The following EPAS1 variants were observed in gnomAD, a reference collection of about 807,000 sequenced individuals.
The protein encoded by EPAS1 is endothelial PAS domain protein 1.
EPAS1 carries 23 observed loss-of-function variants against 87.9 expected under a neutral mutation model. That is an observed-to-expected ratio of 0.26 (90% CI 0.19 to 0.37). The LOEUF (loss-of-function observed/expected upper bound fraction) is 0.37. EPAS1 is among the 10% of genes least tolerant of loss of function. The probability of loss-of-function intolerance (pLI) is 1.00; values close to 1 mark genes in which losing one functional copy is unlikely to be tolerated. For missense variants in EPAS1, 1,138 were observed against 1,120.7 expected (o/e 1.02, Z -0.22); for synonymous variants, 508 against 444.3 (o/e 1.14, Z -1.80).
At chr2:46,299,618 C>A (rs578259860) in intron 1 of EPAS1, among the ~76,000 whole-genome samples, 1 of 152,222 alleles carries the variant, frequency 6.6e-6, no homozygotes, top group African/African-American at 2.4e-5. Context: ...TATTTTACAA[C>A]TGCGATGCCT....
chr2:46,339,446 G>C (rs1683865456), intron 1 of EPAS1, among the ~76,000 whole-genome samples: 1 of 152,170 alleles, frequency 6.6e-6, no homozygotes, highest in Non-Finnish European at 1.5e-5. Flanking sequence ...CAGAACTCGG[G>C]GCTTTTGTTC....
chr2:46,346,812 G>C lies in EPAS1; in HGVS notation c.27-61G>C. 6.3e-7 allele frequency: 1 copy of C among 1,587,920 alleles called. No individual in the cohort carries two copies. The highest frequency in any genetic ancestry group is 8.6e-7 in the Non-Finnish European group (1 of 1,162,228). On this transcript the variant is annotated intron_variant, in intron 1 of 15. Coordinates refer to ENST00000263734, the MANE Select transcript of EPAS1 (RefSeq NM_001430.5). The surrounding 1 kb of genome is among the most constrained non-coding windows in gnomAD (Gnocchi z 4.0). ...GGGTTGGGGCCATGGGGATGTCCTG[G>C]CCAGAGGTATGATAGGCTGACAGTA...
intron 7 of EPAS1, among the ~76,000 whole-genome samples, chr2:46,372,153 T>G (rs1035920846): frequency 1.3e-5 from 2 of 152,192 alleles, no homozygotes; most frequent in African/African-American, 4.8e-5. Flanking sequence ...TCACAGGCTC[T>G]CTCTCCCCTT....
Position 46,298,060 on chromosome 2 carries a change from G to T in EPAS1, c.26+123G>T, listed in dbSNP as rs1682921826. ...AGAGGTCTTCGGAGCTCGAGGCTCGGTTTGGAGGGCTGTGAGGGGGAGAGC... is the reference window on the plus strand; with the variant it reads ...AGAGGTCTTCGGAGCTCGAGGCTCGTTTTGGAGGGCTGTGAGGGGGAGAGC... On this transcript the variant is annotated intron_variant, in intron 1 of 15. Transcript: ENST00000263734. 2.0e-5 allele frequency: 25 copies of T among 1,253,268 alleles called. 2 individuals carry two copies. The South Asian group carries it at 3.2e-4, about 16-fold the overall frequency. The allele number at this position is 1,253,268 out of a possible 1,614,324, so 77.6% of individuals were successfully genotyped here. A position where few individuals can be genotyped will look rare whatever the true frequency, so the allele number is the denominator to read the frequency against.
chr2:46,362,954 GTGGTGGTGGTGGTGGTGGTGGTA>G (rs1348492574), intron 6 of EPAS1, among the ~76,000 whole-genome samples: 94 of 66,410 alleles, frequency 1.4e-3, no homozygotes, highest in African/African-American at 7.0e-3. Context: ...GTAATTGTTA[GTGGTGGTGGTGGTGGTGGTGGTA>G]GTGGTGGTGG....
At position 46,371,748 on chromosome 2, in the gene EPAS1, G is replaced by A. The variant is rs570562502; in HGVS notation, c.886+1815G>A. 6.6e-6 allele frequency among the ~76,000 whole-genome samples: 1 copy of A among 152,316 alleles called. No homozygotes were observed. Among genetic ancestry groups the A allele is most frequent in the African/African-American group, 2.4e-5 (1 of 41,562 alleles). ...CAGGCTCTGGCCCAGCCGACCCACT[G>A]ATTCCCTAGGGCCTGGATTTCTGGA... On this transcript the variant is annotated intron_variant, in intron 7 of 15. Coordinates refer to ENST00000263734, the MANE Select transcript of EPAS1 (RefSeq NM_001430.5). This position sits in a 1 kb window ranked among gnomAD's most constrained non-coding sequence, Gnocchi z 4.3.
At position 46,377,854 on chromosome 2, in the gene EPAS1, T is replaced by C. The variant is rs974929928; in HGVS notation, c.1250-40T>C. On this transcript the variant is annotated intron_variant, in intron 9 of 15. Coordinates refer to ENST00000263734, the MANE Select transcript of EPAS1 (RefSeq NM_001430.5). ...CTCCTCTGCCTTGGGGTGAGCCCGA[T>C]GGTTGTGGGTGTTCACCTCCCAGGC... The C allele has an allele frequency of 5.8e-6, 9 of 1,551,500 alleles. No homozygotes were observed. In the African/African-American group the frequency reaches 6.8e-5, roughly 12 times the overall value.
rs1057773 is a variant in EPAS1, at chr2:46,384,693, G to C, written c.*33G>C. The stretch of plus-strand genomic sequence containing the variant: ...CTTCTACCTGGGCAGCACCTCTGCC[G>C]ACGCCGTCCCACCAGCTTCACTCTC... On this transcript the variant is annotated 3_prime_UTR_variant, in exon 16 of 16. Coordinates refer to ENST00000263734, the MANE Select transcript of EPAS1 (RefSeq NM_001430.5). 6.2e-7 allele frequency: 1 copy of C among 1,609,584 alleles called. No individual in the cohort carries two copies. Among genetic ancestry groups the C allele is most frequent in the African/African-American group, 1.3e-5 (1 of 74,976 alleles).
At chr2:46,381,522 C>G (rs2103675534) in intron 12 of EPAS1, 74 bp from the exon 13 acceptor site, 2 of 1,611,270 alleles carry the variant, frequency 1.2e-6, no homozygotes, top group East Asian at 4.5e-5. Flanking sequence ...ACTGGAAGGG[C>G]CCCTAAGATG....
chr2:46,370,223 C>A (rs1481919995), intron 7 of EPAS1, among the ~76,000 whole-genome samples: 1 of 152,214 alleles, frequency 6.6e-6, no homozygotes, highest in African/African-American at 2.4e-5. Context: ...CCCCATACCA[C>A]CTCCACGGAG....
Position 46,346,142 on chromosome 2 carries a change from T to G in EPAS1, c.27-731T>G, listed in dbSNP as rs1684018441. Among the ~76,000 whole-genome samples, 1 of 152,230 alleles carries G rather than the reference T, an allele frequency of 6.6e-6. No homozygotes were observed. The highest frequency in any genetic ancestry group is 2.1e-4 in the South Asian group (1 of 4,830). On this transcript the variant is annotated intron_variant, in intron 1 of 15. Coordinates refer to ENST00000263734, the MANE Select transcript of EPAS1 (RefSeq NM_001430.5). This position sits in a 1 kb window ranked among gnomAD's most constrained non-coding sequence, Gnocchi z 4.0. ...TTAGGACTTCTAAAAGAGGCAGGCTTCAGTGCGTGTCATCTTTCGTTCCAT... is the reference window on the plus strand; with the variant it reads ...TTAGGACTTCTAAAAGAGGCAGGCTGCAGTGCGTGTCATCTTTCGTTCCAT...
intron 1 of EPAS1, among the ~76,000 whole-genome samples, chr2:46,330,939 T>C (rs1456816180): frequency 6.6e-6 from 1 of 152,106 alleles, no homozygotes; most frequent in Admixed American, 6.5e-5. Context: ...TTTTTTTTTT[T>C]CCTCCCCATT....
chr2:46,308,201 A>G (rs1320284975), intron 1 of EPAS1, among the ~76,000 whole-genome samples: 1 of 152,034 alleles, frequency 6.6e-6, no homozygotes, highest in Non-Finnish European at 1.5e-5. Context: ...TCCTATTCAA[A>G]TAGCTCCTAC....
chr2:46,343,341 G>T (rs1430694413), intron 1 of EPAS1, among the ~76,000 whole-genome samples: 1 of 152,160 alleles, frequency 6.6e-6, no homozygotes, highest in African/African-American at 2.4e-5. Flanking sequence ...AAAAGTATTA[G>T]CCCTTCTTCC....
At chr2:46,341,087 C>G (rs1484283787) in intron 1 of EPAS1, among the ~76,000 whole-genome samples, 2 of 152,172 alleles carry the variant, frequency 1.3e-5, no homozygotes, top group Admixed American at 6.5e-5. Context: ...CCTACTGATC[C>G]CTGCAGCCTT....
At chr2:46,378,790 C>A (rs1318872557) in intron 11 of EPAS1, 23 bp downstream of exon 11, 1 of 1,588,372 alleles carries the variant, frequency 6.3e-7, no homozygotes, top group Non-Finnish European at 8.6e-7. Context: ...GGAGATCAGG[C>A]TAGGGTGTGT....
chr2:46,326,781 C>G (rs1235698199), intron 1 of EPAS1, among the ~76,000 whole-genome samples: 2 of 152,090 alleles, frequency 1.3e-5, no homozygotes, highest in African/African-American at 4.8e-5. Flanking sequence ...TACAGGTGAT[C>G]ATACTCAAGA....
chr2:46,305,969 T>A (rs993110203), intron 1 of EPAS1, among the ~76,000 whole-genome samples: 32 of 152,090 alleles, frequency 2.1e-4, no homozygotes, highest in Admixed American at 1.6e-3. Context: ...ACGGGTTGAG[T>A]GTTTTGGTCT....
At chr2:46,311,142 G>C (rs1197671850) in intron 1 of EPAS1, among the ~76,000 whole-genome samples, 1 of 152,208 alleles carries the variant, frequency 6.6e-6, no homozygotes, top group African/African-American at 2.4e-5. Flanking sequence ...CTCCCAAAGT[G>C]CTGAGATTAC....
Sources: allele counts gnomAD v4.1 joint callset (sites outside exome capture counted in the v4.1 genomes callset), GRCh38; gene constraint gnomAD v4.1.1; non-coding constraint Gnocchi (gnomAD v3.1); transcripts MANE v1.5; gene names NCBI Gene and HGNC (gene_info 2026-07-23, HGNC 2026-07-21).